The following GRIP1 variants were observed in gnomAD, a reference collection of about 807,000 sequenced individuals.
GRIP1 encodes the protein glutamate receptor interacting protein 1.
Under a neutral mutation model 129.9 loss-of-function variants are expected in GRIP1, and 45 were observed. That is an observed-to-expected ratio of 0.35 (90% CI 0.27 to 0.44). The LOEUF is 0.44. GRIP1 is among the 20% of genes least tolerant of loss of function. GRIP1 has a pLI of 1.00. For missense variants in GRIP1, 1,196 were observed against 1,396.8 expected (o/e 0.86, Z 2.29); for synonymous variants, 530 against 520.8 (o/e 1.02, Z -0.24).
rs1463403718 is a variant in GRIP1, at chr12:66,629,314, C to CG, written c.56-32388_56-32387insC. 2.0e-5 allele frequency among the ~76,000 whole-genome samples: 3 copies of CG among 152,202 alleles called. No individual in the cohort carries two copies. In the East Asian group the frequency reaches 5.8e-4, roughly 29 times the overall value. ...TTTGCAGCACATAGTGCTGACAAGC[C>CG]TTAACGACACAAATGGCATGAAGCC... On this transcript the variant is annotated intron_variant, in intron 1 of 24. Transcript: ENST00000359742.
At chr12:66,864,774 T>A (rs979497386) in intron 1 of GRIP1, among the ~76,000 whole-genome samples, 1 of 152,156 alleles carries the variant, frequency 6.6e-6, no homozygotes, top group African/African-American at 2.4e-5. Flanking sequence ...AAACTCCCTG[T>A]TACTCTGCAG....
intron 4 of GRIP1, among the ~76,000 whole-genome samples, chr12:66,538,785 T>C (rs756998469): frequency 2.6e-5 from 4 of 151,736 alleles, no homozygotes; most frequent in Non-Finnish European, 5.9e-5. Flanking sequence ...CTATTTTTTG[T>C]AGAGGTGGGG....
chr12:66,571,911 A>C (rs1019371640), intron 2 of GRIP1, among the ~76,000 whole-genome samples: 1 of 152,202 alleles, frequency 6.6e-6, no homozygotes, highest in Non-Finnish European at 1.5e-5. Context: ...TTTGCATATG[A>C]GGCACACATG....
chr12:66,887,892 T>C (rs935675716), intron 1 of GRIP1, among the ~76,000 whole-genome samples: 1 of 152,144 alleles, frequency 6.6e-6, no homozygotes, highest in Non-Finnish European at 1.5e-5. Flanking sequence ...TAAATTTAGA[T>C]AACAATAGGC....
intron 2 of GRIP1, among the ~76,000 whole-genome samples, chr12:66,584,685 T>G (rs2063545639): frequency 6.6e-6 from 1 of 152,102 alleles, no homozygotes; most frequent in African/African-American, 2.4e-5. Context: ...GTAAGTTTAA[T>G]TTGTCCCTTT....
chr12:66,456,398 C>T, intron 9 of GRIP1, 56 bp from the exon 10 acceptor site: 2 of 976,702 alleles, frequency 2.0e-6, no homozygotes, highest in South Asian at 1.5e-5. Context: ...AAACAAAGAA[C>T]CAAAAAAGAG....
At chr12:66,624,816 C>T (rs752520442) in intron 1 of GRIP1, among the ~76,000 whole-genome samples, 20 of 152,220 alleles carry the variant, frequency 1.3e-4, no homozygotes, top group Middle Eastern at 3.4e-3. Context: ...TCATTTAGCA[C>T]GAGCAACATT....
chr12:66,548,931 C>T (rs893417689), intron 2 of GRIP1, among the ~76,000 whole-genome samples: 5 of 152,068 alleles, frequency 3.3e-5, no homozygotes, highest in African/African-American at 1.2e-4. Flanking sequence ...ATGGCTGTAG[C>T]GTAAAAAGAG....
chr12:66,413,757 A>T (rs2057484284), intron 15 of GRIP1, among the ~76,000 whole-genome samples: 1 of 152,212 alleles, frequency 6.6e-6, no homozygotes. Flanking sequence ...ACCACGATCA[A>T]GTTGGCTTCA....
chr12:66,694,579 A>G (rs1343660738), intron 1 of GRIP1, among the ~76,000 whole-genome samples: 2 of 152,168 alleles, frequency 1.3e-5, no homozygotes, highest in Non-Finnish European at 2.9e-5. Context: ...ATAAATGAAG[A>G]TAATAAAAAT....
chr12:67,004,187 G>T (rs2042594062), intron 1 of GRIP1, among the ~76,000 whole-genome samples: 1 of 152,158 alleles, frequency 6.6e-6, no homozygotes, highest in Non-Finnish European at 1.5e-5. Context: ...CATGAATTAG[G>T]ACTTGATCTC....
chr12:66,697,677 G>C (rs2035210533), intron 1 of GRIP1, among the ~76,000 whole-genome samples: 1 of 152,190 alleles, frequency 6.6e-6, no homozygotes, highest in South Asian at 2.1e-4. Flanking sequence ...GCACAGGGAT[G>C]AAACTGATGC....
chr12:66,559,546 G>A (rs1250819018), intron 2 of GRIP1, among the ~76,000 whole-genome samples: 1 of 151,984 alleles, frequency 6.6e-6, no homozygotes, highest in Non-Finnish European at 1.5e-5. Context: ...TGAACAATCT[G>A]AAAAAGAAAT....
At chr12:66,950,433 C>T (rs1030994853) in intron 1 of GRIP1, among the ~76,000 whole-genome samples, 3 of 151,976 alleles carry the variant, frequency 2.0e-5, no homozygotes, top group Non-Finnish European at 2.9e-5. Flanking sequence ...AACCTATATC[C>T]ACTTTTAATC....
intron 1 of GRIP1, among the ~76,000 whole-genome samples, chr12:66,974,845 C>T (rs570596985): frequency 1.3e-4 from 20 of 152,274 alleles, no homozygotes; most frequent in South Asian, 4.1e-4. Flanking sequence ...TCTTCCAAGA[C>T]GTAAAAGGGA....
At chr12:66,612,921 T>C (rs990011903) in intron 1 of GRIP1, among the ~76,000 whole-genome samples, 1 of 152,160 alleles carries the variant, frequency 6.6e-6, no homozygotes, top group South Asian at 2.1e-4. Context: ...CTTCTTCATA[T>C]GTTTCTATTC....
intron 1 of GRIP1, among the ~76,000 whole-genome samples, chr12:66,887,659 A>G (rs1332195372): frequency 2.0e-5 from 3 of 152,212 alleles, no homozygotes; most frequent in Non-Finnish European, 4.4e-5. Context: ...AGTATGTCTC[A>G]TGTATTTCTA....
Position 66,353,579 on chromosome 12 carries a change from G to C in GRIP1, c.3013-16C>G. The C allele has an allele frequency of 6.2e-7, 1 of 1,612,920 alleles. No individual in the cohort carries two copies. ...ACAAGGTCACCTGAAGAGAGAAAAT[G>C]GGATGTGAATATTTAGCTGGGGTGG... On this transcript the variant is annotated splice_polypyrimidine_tract_variant and intron_variant, in intron 23 of 24. Coordinates refer to ENST00000359742, the MANE Select transcript of GRIP1 (RefSeq NM_001366722.1).
At chr12:66,632,560 A>C (rs1263189271) in intron 1 of GRIP1, among the ~76,000 whole-genome samples, 2 of 152,142 alleles carry the variant, frequency 1.3e-5, no homozygotes, top group Admixed American at 1.3e-4. Flanking sequence ...ACCAAATTCC[A>C]TTCTAATGAA....
Sources: gnomAD v4.1 joint callset for allele counts (sites outside exome capture counted in the v4.1 genomes callset) on GRCh38, gnomAD v4.1.1 for gene constraint, MANE v1.5 for transcripts, NCBI Gene and HGNC (gene_info 2026-07-23, HGNC 2026-07-21) for gene names.